The following DNAJC3 variants were observed in gnomAD, a reference collection of about 807,000 sequenced individuals.
The protein encoded by DNAJC3 is DnaJ heat shock protein family (Hsp40) member C3.
A neutral mutation model predicts 68.6 loss-of-function variants in DNAJC3; 38 were observed. That is an observed-to-expected ratio of 0.55 (90% CI 0.43 to 0.73). DNAJC3 has a LOEUF of 0.73. Ranked by LOEUF, DNAJC3 falls within the 30% of genes least tolerant of loss-of-function variation. DNAJC3 has a pLI of 0.00. For synonymous variants in DNAJC3, 203 were observed against 204.0 expected, an observed-to-expected ratio of 1.00 and a Z score of 0.04; for missense variants, 526 against 591.9, an observed-to-expected ratio of 0.89 and a Z score of 1.16.
At chr13:95,738,920 G>A (rs111935316) in intron 4 of DNAJC3, among the ~76,000 whole-genome samples, 13 of 152,006 alleles carry the variant, frequency 8.6e-5, no homozygotes, top group African/African-American at 2.9e-4. Context: ...TCCTAGTCTC[G>A]ATGGTCTTTA....
intron 1 of DNAJC3, among the ~76,000 whole-genome samples, chr13:95,708,114 A>C (rs1484266561): frequency 6.6e-6 from 1 of 152,154 alleles, no homozygotes; most frequent in African/African-American, 2.4e-5. Flanking sequence ...AGTCCACCCC[A>C]TGACAGACCA....
intron 4 of DNAJC3, among the ~76,000 whole-genome samples, chr13:95,727,146 A>T (rs888883070): frequency 6.6e-6 from 1 of 151,702 alleles, no homozygotes; most frequent in Non-Finnish European, 1.5e-5. Flanking sequence ...ATTATAAAAC[A>T]TGAGAATGTG....
At chr13:95,764,297 G>C (rs949955188) in intron 9 of DNAJC3, among the ~76,000 whole-genome samples, 1 of 148,414 alleles carries the variant, frequency 6.7e-6, no homozygotes, top group Non-Finnish European at 1.5e-5. Flanking sequence ...ATCTTTTCCA[G>C]CTTTTATCTA....
chr13:95,786,552 G>T (rs1594031881), intron 10 of DNAJC3, among the ~76,000 whole-genome samples: 1 of 152,272 alleles, frequency 6.6e-6, no homozygotes, highest in East Asian at 1.9e-4. Context: ...TTAAGTAAAT[G>T]ATATACCTCC....
At chr13:95,749,910 C>T (rs1423939849) in intron 4 of DNAJC3, among the ~76,000 whole-genome samples, 5 of 152,078 alleles carry the variant, frequency 3.3e-5, no homozygotes, top group African/African-American at 7.2e-5. Context: ...ATTAGCTGGG[C>T]GTGGTGGCCC....
intron 1 of DNAJC3, among the ~76,000 whole-genome samples, chr13:95,701,649 A>T (rs1566473333): frequency 6.6e-6 from 1 of 152,196 alleles, no homozygotes; most frequent in African/African-American, 2.4e-5. Flanking sequence ...TACATATGAA[A>T]CAACTCTTGT....
At chr13:95,738,434 C>G (rs1882007018) in intron 4 of DNAJC3, among the ~76,000 whole-genome samples, 1 of 149,842 alleles carries the variant, frequency 6.7e-6, no homozygotes, top group Non-Finnish European at 1.5e-5. Flanking sequence ...GTTAAAGTCT[C>G]CCATTATTAA....
intron 9 of DNAJC3, among the ~76,000 whole-genome samples, chr13:95,778,782 T>C (rs557196628): frequency 4.4e-4 from 67 of 152,370 alleles, no homozygotes; most frequent in Non-Finnish European, 5.4e-4. Context: ...ATACACTGTG[T>C]TTATTCAGTA....
chr13:95,736,183 C>T (rs978142927), intron 4 of DNAJC3, among the ~76,000 whole-genome samples: 2 of 152,120 alleles, frequency 1.3e-5, no homozygotes, highest in Non-Finnish European at 2.9e-5. Context: ...TGATCTATAT[C>T]TCTGTTTTGG....
intron 1 of DNAJC3, among the ~76,000 whole-genome samples, chr13:95,708,437 A>G (rs934440624): frequency 6.6e-6 from 1 of 152,140 alleles, no homozygotes; most frequent in Admixed American, 6.5e-5. Context: ...TCATACTACT[A>G]TCTTCCTCTT....
At chr13:95,765,367 G>A (rs1166388830) in intron 9 of DNAJC3, among the ~76,000 whole-genome samples, 4 of 147,876 alleles carry the variant, frequency 2.7e-5, no homozygotes, top group African/African-American at 1.0e-4. Flanking sequence ...CTCTCACTGC[G>A]AAATTAGAGA....
chr13:95,698,697 A>T (rs1360334286), intron 1 of DNAJC3, among the ~76,000 whole-genome samples: 2 of 152,206 alleles, frequency 1.3e-5, no homozygotes, highest in African/African-American at 4.8e-5. Flanking sequence ...ATGAGGGCAG[A>T]GTCTTGATGG....
intron 5 of DNAJC3, 59 bp from the exon 6 acceptor site, chr13:95,759,981 G>A: frequency 6.9e-7 from 1 of 1,453,556 alleles, no homozygotes; most frequent in Non-Finnish European, 9.2e-7. Flanking sequence ...TACGTGGAAT[G>A]CAACAATGAA....
rs1210077155 is a variant in DNAJC3 at position 95,685,331 on chromosome 13, A to G, written c.82+7994A>G. On this transcript the variant is annotated intron_variant, in intron 1 of 11. Transcript: ENST00000602402. ...TGCCCTGCTGGGTTTTAGCACGTGC[A>G]TGGGGCCCGTAGCCTTTTTCTTTTG... Among the ~76,000 whole-genome samples the G allele has an allele frequency of 2.6e-5, 4 of 152,236 alleles. No homozygotes were observed. In the South Asian group the frequency reaches 8.3e-4, roughly 32 times the overall value.
intron 4 of DNAJC3, among the ~76,000 whole-genome samples, chr13:95,727,915 C>T (rs767754156): frequency 3.9e-5 from 6 of 152,138 alleles, no homozygotes; most frequent in Non-Finnish European, 8.8e-5. Flanking sequence ...TGCTCTGGCC[C>T]CCTAGTCATA....
At chr13:95,773,261 T>A (rs948223897) in intron 9 of DNAJC3, among the ~76,000 whole-genome samples, 1 of 150,194 alleles carries the variant, frequency 6.7e-6, no homozygotes, top group African/African-American at 2.4e-5. Context: ...AGCCTCGACC[T>A]CCCAGGCTAA....
Position 95,709,348 on chromosome 13 carries a change from T to C in DNAJC3, c.193+11T>C. Reference sequence around the variant, plus strand: ...TTCATGCTGCCGTAGGTTTGTATCATGGAACCAAATCACTCAGTGTCTGTC... The same window carrying C: ...TTCATGCTGCCGTAGGTTTGTATCACGGAACCAAATCACTCAGTGTCTGTC... On this transcript the variant is annotated intron_variant, in intron 2 of 11. Transcript: ENST00000602402. 6.4e-7 allele frequency: 1 copy of C among 1,574,274 alleles called. No individual in the cohort carries two copies. Among genetic ancestry groups the C allele is most frequent in the Non-Finnish European group, 8.6e-7 (1 of 1,161,600 alleles).
chr13:95,748,135 G>T (rs991147997), intron 4 of DNAJC3, among the ~76,000 whole-genome samples: 1 of 152,028 alleles, frequency 6.6e-6, no homozygotes, highest in Non-Finnish European at 1.5e-5. Context: ...GGCTTACGTG[G>T]ATAATATTTA....
intron 1 of DNAJC3, among the ~76,000 whole-genome samples, chr13:95,686,372 C>T (rs1328331185): frequency 6.6e-6 from 1 of 152,192 alleles, no homozygotes; most frequent in Non-Finnish European, 1.5e-5. Context: ...CAAATGTTTT[C>T]TCTCATTCTG....
Sources: allele counts gnomAD v4.1 joint callset (sites outside exome capture counted in the v4.1 genomes callset), GRCh38; gene constraint gnomAD v4.1.1; transcripts MANE v1.5; gene names NCBI Gene and HGNC (gene_info 2026-07-23, HGNC 2026-07-21).